The following NCKAP5 variants were observed in gnomAD, a reference collection of about 807,000 sequenced individuals.
NCKAP5 encodes the protein nck-associated protein 5.
NCKAP5 carries 92 observed loss-of-function variants against 167.0 expected under a neutral mutation model. That is an observed-to-expected ratio of 0.55 (90% CI 0.47 to 0.66). NCKAP5 has a LOEUF of 0.66. NCKAP5 is among the 30% of genes least tolerant of loss of function. NCKAP5 has a pLI of 0.00. For synonymous variants in NCKAP5, 891 were observed against 877.4 expected (o/e 1.02, Z -0.27); for missense variants, 2,378 against 2,315.0 (o/e 1.03, Z -0.56).
At chr2:132,943,722 A>C (rs76667165) in intron 8 of NCKAP5, among the ~76,000 whole-genome samples, 4,297 of 152,298 alleles carry the variant, frequency 0.028, 195 homozygotes, top group African/African-American at 0.096. Flanking sequence ...AGGTTCCAGA[A>C]AGGCCCTGAG....
chr2:133,526,672 C>T (rs1023400482), intron 2 of NCKAP5, among the ~76,000 whole-genome samples: 1 of 152,052 alleles, frequency 6.6e-6, no homozygotes, highest in African/African-American at 2.4e-5. Flanking sequence ...CCTTCTCTCC[C>T]ACTCTTCCTT....
chr2:132,851,280 G>T (rs1689056076), intron 11 of NCKAP5, among the ~76,000 whole-genome samples: 3 of 152,156 alleles, frequency 2.0e-5, no homozygotes, highest in Admixed American at 6.5e-5. Flanking sequence ...GAGCTTGTGT[G>T]TGCTTGTATA....
At chr2:132,887,108 C>T (rs1202255538) in intron 8 of NCKAP5, among the ~76,000 whole-genome samples, 1 of 152,128 alleles carries the variant, frequency 6.6e-6, no homozygotes, top group Non-Finnish European at 1.5e-5. Context: ...CAGTAAGTAT[C>T]TTGCGGCAAG....
rs1558978418 is a variant in NCKAP5 at position 132,949,029 on chromosome 2, GAAA to G, written c.579+14688_579+14690del. Among the ~76,000 whole-genome samples, 561 of 150,066 alleles carry G rather than the reference GAAA, an allele frequency of 3.7e-3. 10 individuals carry two copies. In the East Asian group the frequency reaches 0.044, roughly 12 times the overall value. ...GAAAAGAAAAGAAAAGAAAAGAAAA[GAAA>G]AGAAAAGAAAAGAAAAGAAACATGG... On this transcript the variant is annotated intron_variant, in intron 8 of 19. Coordinates refer to ENST00000409261, the MANE Select transcript of NCKAP5 (RefSeq NM_207363.3).
At chr2:133,329,920 A>G (rs887800831) in intron 3 of NCKAP5, among the ~76,000 whole-genome samples, 8 of 152,074 alleles carry the variant, frequency 5.3e-5, no homozygotes, top group African/African-American at 1.9e-4. Context: ...AGTTTTTTAA[A>G]GGCTCTCCAG....
At chr2:132,841,975 T>C (rs983630895) in intron 11 of NCKAP5, among the ~76,000 whole-genome samples, 22 of 152,164 alleles carry the variant, frequency 1.4e-4, no homozygotes, top group Non-Finnish European at 2.2e-4. Flanking sequence ...CTAGGTCTAG[T>C]ATTTTTATAA....
intron 6 of NCKAP5, among the ~76,000 whole-genome samples, chr2:132,998,613 A>G (rs1299777652): frequency 6.6e-6 from 1 of 152,154 alleles, no homozygotes; most frequent in Non-Finnish European, 1.5e-5. Flanking sequence ...TTTTTTAAAA[A>G]TTCTTATTTA....
intron 5 of NCKAP5, among the ~76,000 whole-genome samples, chr2:133,203,071 C>T (rs2085774287): frequency 6.6e-6 from 1 of 152,140 alleles, no homozygotes; most frequent in Non-Finnish European, 1.5e-5. Flanking sequence ...AATCATGCTG[C>T]TGTAAAGTCA....
Position 133,461,591 on chromosome 2 carries a change from A to G in NCKAP5, c.69+55867T>C, listed in dbSNP as rs60370560. On this transcript the variant is annotated intron_variant, in intron 3 of 19. Coordinates refer to ENST00000409261, the MANE Select transcript of NCKAP5 (RefSeq NM_207363.3). ...CAATTGCTCCACCATCCCCTAGGACATGGTCAACATGTGTGTGGTTAAAGC... is the reference window on the plus strand; with the variant it reads ...CAATTGCTCCACCATCCCCTAGGACGTGGTCAACATGTGTGTGGTTAAAGC... 7.6e-3 allele frequency among the ~76,000 whole-genome samples: 1,158 copies of G among 152,264 alleles called. 17 individuals are homozygous for G. The highest frequency in any genetic ancestry group is 0.026 in the African/African-American group (1,067 of 41,550).
rs115703153 is a variant in NCKAP5 at position 133,358,522 on chromosome 2, G to A, written c.70-55412C>T. Among the ~76,000 whole-genome samples the A allele has an allele frequency of 1.7e-3, 255 of 152,256 alleles. 1 individual carries two copies. Among genetic ancestry groups the A allele is most frequent in the African/African-American group, 6.0e-3 (249 of 41,552 alleles). Reference sequence around the variant, plus strand: ...GAGCTCAGGACTTCAAAACTGCAGTGAGCTATAATCACGCCCTGTGCCCCA... The same window carrying A: ...GAGCTCAGGACTTCAAAACTGCAGTAAGCTATAATCACGCCCTGTGCCCCA... On this transcript the variant is annotated intron_variant, in intron 3 of 19. Coordinates refer to ENST00000409261, the MANE Select transcript of NCKAP5 (RefSeq NM_207363.3).
At chr2:133,219,877 C>G (rs2086587463) in intron 4 of NCKAP5, among the ~76,000 whole-genome samples, 1 of 152,086 alleles carries the variant, frequency 6.6e-6, no homozygotes, top group African/African-American at 2.4e-5. Flanking sequence ...ATTATCAACT[C>G]AATCAAAATA....
intron 11 of NCKAP5, among the ~76,000 whole-genome samples, chr2:132,810,910 A>G (rs6712815): frequency 0.082 from 12,403 of 152,150 alleles, 1,061 homozygotes; most frequent in African/African-American, 0.2. Flanking sequence ...GCTCTGTCAG[A>G]GGGAAGGTAC....
chr2:133,386,068 G>C (rs1045451716), intron 3 of NCKAP5, among the ~76,000 whole-genome samples: 35 of 152,182 alleles, frequency 2.3e-4, no homozygotes, highest in Middle Eastern at 3.4e-3. Context: ...TCTGATCTTA[G>C]TTATTTCTTG....
chr2:132,829,509 A>G (rs951247403), intron 11 of NCKAP5, among the ~76,000 whole-genome samples: 1 of 152,204 alleles, frequency 6.6e-6, no homozygotes, highest in Admixed American at 6.5e-5. Flanking sequence ...TATTATCTAC[A>G]TGAGCTTTTG....
chr2:132,926,847 C>T (rs1695938373), intron 8 of NCKAP5, among the ~76,000 whole-genome samples: 1 of 151,944 alleles, frequency 6.6e-6, no homozygotes, highest in African/African-American at 2.4e-5. Flanking sequence ...CGTTTATTTC[C>T]TTTGCTGTGG....
chr2:133,582,206 C>T, the NCKAP5 span, among the ~76,000 whole-genome samples: 1 of 152,022 alleles, frequency 6.6e-6, no homozygotes, highest in Non-Finnish European at 1.5e-5. Flanking sequence ...AGCACCAGCA[C>T]CATGCAGGAG....
chr2:133,444,570 G>A (rs375244885), intron 3 of NCKAP5, among the ~76,000 whole-genome samples: 5 of 152,088 alleles, frequency 3.3e-5, no homozygotes, highest in African/African-American at 4.8e-5. Context: ...ATCCCAGCAC[G>A]GTGTTAAAAG....
At position 133,177,091 on chromosome 2, in the gene NCKAP5, C is replaced by T. The variant is rs779265671; in HGVS notation, c.207+36625G>A. Among the ~76,000 whole-genome samples, 26 of 151,314 alleles carry T rather than the reference C, an allele frequency of 1.7e-4. No individual in the cohort carries two copies. In the East Asian group the frequency reaches 3.9e-3, roughly 23 times the overall value. On this transcript the variant is annotated intron_variant, in intron 5 of 19. Coordinates refer to ENST00000409261, the MANE Select transcript of NCKAP5 (RefSeq NM_207363.3). ...ACTGATTTAAGCTACATTATCCAGGCGGCAGATATTTAAGTTTAGAAATAC... is the reference window on the plus strand; with the variant it reads ...ACTGATTTAAGCTACATTATCCAGGTGGCAGATATTTAAGTTTAGAAATAC...
chr2:133,180,712 T>C (rs2084693779), intron 5 of NCKAP5, among the ~76,000 whole-genome samples: 1 of 152,072 alleles, frequency 6.6e-6, no homozygotes. Context: ...AGATTAAAGA[T>C]ACAAATATAA....
Sources: gnomAD v4.1 joint callset for allele counts (sites outside exome capture counted in the v4.1 genomes callset) on GRCh38, gnomAD v4.1.1 for gene constraint, MANE v1.5 for transcripts, NCBI Gene and HGNC (gene_info 2026-07-23, HGNC 2026-07-21) for gene names.